Variants in SRGAP2C observed in about 807,000 individuals in gnomAD.
SRGAP2C encodes the protein SLIT-ROBO Rho GTPase-activating protein 2C.
SRGAP2C carries 15 observed loss-of-function variants against 25.1 expected under a neutral mutation model. The ratio of observed to expected loss-of-function variants is 0.60; its 90% CI spans 0.40 to 0.92. The LOEUF (loss-of-function observed/expected upper bound fraction) is 0.92. SRGAP2C is among the 40% of genes least tolerant of loss of function. The probability of loss-of-function intolerance (pLI) is 0.00; values close to 1 mark genes in which losing one functional copy is unlikely to be tolerated. For synonymous variants in SRGAP2C, 44 were observed against 96.6 expected (o/e 0.46, Z 3.19); for missense variants, 144 against 264.4 (o/e 0.54, Z 3.16).
intron 4 of SRGAP2C, among the ~76,000 whole-genome samples, chr1:121,339,105 A>AT (rs1319498026): frequency 4.1e-4 from 62 of 151,508 alleles, no homozygotes; most frequent in African/African-American, 1.4e-3. Context: ...GCTTAGTGTA[A>AT]TTTTTTTCAT....
At chr1:121,361,848 C>A (rs1292100757) in intron 4 of SRGAP2C, 13 of 120,230 alleles carry the variant, frequency 1.1e-4, no homozygotes, top group Non-Finnish European at 2.1e-4. Context: ...TTTCCCCCAA[C>A]TTCTATTTGG....
intron 4 of SRGAP2C, among the ~76,000 whole-genome samples, chr1:121,332,495 C>G (rs1436147908): frequency 1.1e-4 from 17 of 151,576 alleles, no homozygotes; most frequent in African/African-American, 4.1e-4. Flanking sequence ...GTGGGGAATG[C>G]AAGAAGAGTG....
At chr1:121,225,919 G>A (rs1342247593) in intron 2 of SRGAP2C, among the ~76,000 whole-genome samples, 2 of 142,870 alleles carry the variant, frequency 1.4e-5, no homozygotes, top group Non-Finnish European at 3.0e-5. Context: ...TGGCCAGGCT[G>A]GTCTCAAACT....
rs1657402627 is a variant in SRGAP2C, at chr1:121,287,764, G to A, written c.260+2769G>A. 5.9e-5 allele frequency among the ~76,000 whole-genome samples: 9 copies of A among 152,302 alleles called. 1 individual carries two copies. In the South Asian group the frequency reaches 1.7e-3, roughly 28 times the overall value. ...AGTCTGTCCCTTCTGATGTTCAGAT[G>A]TGTTTGGAGTTTCTTCCTTCTGGTG... On this transcript the variant is annotated intron_variant, in intron 3 of 9. Coordinates refer to ENST00000367123, the MANE Select transcript of SRGAP2C (RefSeq NM_001329984.2).
At chr1:121,305,387 G>A (rs1433384082) in intron 3 of SRGAP2C, among the ~76,000 whole-genome samples, 10 of 74,378 alleles carry the variant, frequency 1.3e-4, no homozygotes, top group Non-Finnish European at 2.5e-4. Context: ...GTCCTTTTGC[G>A]AGACTGTTTG....
intron 3 of SRGAP2C, among the ~76,000 whole-genome samples, chr1:121,304,059 A>G (rs1657763218): frequency 6.6e-6 from 1 of 151,736 alleles, no homozygotes; most frequent in Non-Finnish European, 1.5e-5. Flanking sequence ...CAAAAAAAAA[A>G]AATTAGCCGG....
rs1269652129 is a variant in SRGAP2C, at chr1:121,303,974, G to A, written c.260+18979G>A. ...AATCCCAGTACTTTGGGAGGCCGAG[G>A]CGGGCCGATCATGAGGTCAGGAGAT... On this transcript the variant is annotated intron_variant, in intron 3 of 9. Transcript: ENST00000367123. Among the ~76,000 whole-genome samples the A allele has an allele frequency of 5.5e-5, 8 of 146,336 alleles. No individual in the cohort carries two copies. The East Asian group carries it at 1.6e-3, about 30-fold the overall frequency.
intron 3 of SRGAP2C, chr1:121,314,995 C>A (rs1403129493): frequency 1.5e-5 from 16 of 1,058,808 alleles, no homozygotes; most frequent in Non-Finnish European, 2.1e-5. Context: ...TCTAAACTAT[C>A]CTCAGTCTTG....
At chr1:121,378,005 G>T (rs1659712011) in intron 7 of SRGAP2C, among the ~76,000 whole-genome samples, 1 of 152,138 alleles carries the variant, frequency 6.6e-6, no homozygotes, top group Non-Finnish European at 1.5e-5. Flanking sequence ...AAAAGTGTTA[G>T]TGAGCCATTG....
At chr1:121,303,848 T>C (rs1657755462) in intron 3 of SRGAP2C, among the ~76,000 whole-genome samples, 1 of 151,736 alleles carries the variant, frequency 6.6e-6, no homozygotes, top group African/African-American at 2.4e-5. Context: ...TGGTTCCTAT[T>C]ATCCATAACA....
intron 2 of SRGAP2C, among the ~76,000 whole-genome samples, chr1:121,259,592 C>T (rs1933971): frequency 8.8e-4 from 131 of 149,160 alleles, no homozygotes; most frequent in African/African-American, 3.0e-3. Context: ...TATTCATTCA[C>T]TCATCTGTGC....
intron 2 of SRGAP2C, among the ~76,000 whole-genome samples, chr1:121,216,001 C>A (rs587628303): frequency 2.6e-4 from 40 of 151,980 alleles, no homozygotes; most frequent in Non-Finnish European, 4.4e-4. Flanking sequence ...GATGTTGACT[C>A]CTTGACCTTA....
chr1:121,213,075 T>C (rs1231836249), intron 2 of SRGAP2C, among the ~76,000 whole-genome samples: 2 of 151,482 alleles, frequency 1.3e-5, no homozygotes, highest in Non-Finnish European at 2.9e-5. Flanking sequence ...AGACAGTGTC[T>C]TGTTCTGTTG....
At chr1:121,350,147 G>GTA (rs1378997978) in intron 4 of SRGAP2C, among the ~76,000 whole-genome samples, 4 of 151,692 alleles carry the variant, frequency 2.6e-5, no homozygotes, top group Non-Finnish European at 5.9e-5. Flanking sequence ...CCCAGGATGG[G>GTA]TAGCCTTGGT....
intron 3 of SRGAP2C, among the ~76,000 whole-genome samples, chr1:121,298,103 A>G (rs1657634391): frequency 6.6e-6 from 1 of 151,298 alleles, no homozygotes; most frequent in African/African-American, 2.4e-5. Flanking sequence ...TTTTTATGGT[A>G]TAGCTACATT....
intron 3 of SRGAP2C, among the ~76,000 whole-genome samples, chr1:121,289,445 C>T (rs1553337337): frequency 1.3e-5 from 2 of 151,484 alleles, no homozygotes; most frequent in Non-Finnish European, 2.9e-5. Context: ...CCAGCTGGCC[C>T]GCAAGCGCCG....
intron 4 of SRGAP2C, among the ~76,000 whole-genome samples, chr1:121,336,135 TTCTA>T (rs1658510393): frequency 6.6e-6 from 1 of 152,200 alleles, no homozygotes; most frequent in Non-Finnish European, 1.5e-5. Context: ...GAATGCCAAA[TTCTA>T]TCTTCCTTAC....
intron 4 of SRGAP2C, among the ~76,000 whole-genome samples, chr1:121,327,422 A>G (rs1336054674): frequency 3.4e-5 from 5 of 146,570 alleles, no homozygotes; most frequent in Non-Finnish European, 5.9e-5. Flanking sequence ...AGACCCTGAT[A>G]GTTTGAGGAT....
intron 2 of SRGAP2C, among the ~76,000 whole-genome samples, chr1:121,274,880 G>A (rs1216638741): frequency 8.0e-6 from 1 of 124,888 alleles, no homozygotes; most frequent in African/African-American, 3.0e-5. Context: ...GCTGGCCCTG[G>A]CCTGCTTATT....
Sources: gnomAD v4.1 joint callset for allele counts (sites outside exome capture counted in the v4.1 genomes callset) on GRCh38, gnomAD v4.1.1 for gene constraint, MANE v1.5 for transcripts, NCBI Gene and HGNC (gene_info 2026-07-23, HGNC 2026-07-21) for gene names.